Variants in NT5DC1 observed in about 807,000 individuals in gnomAD.
NT5DC1 encodes the protein 5'-nucleotidase domain-containing protein 1.
A neutral mutation model predicts 59.4 loss-of-function variants in NT5DC1; 42 were observed. The ratio of observed to expected loss-of-function variants is 0.71; its 90% CI spans 0.55 to 0.92. The LOEUF is 0.92. Ranked by LOEUF, NT5DC1 falls within the 40% of genes least tolerant of loss-of-function variation. NT5DC1 has a pLI of 0.00. For synonymous variants in NT5DC1, 172 were observed against 188.1 expected, an observed-to-expected ratio of 0.91 and a Z score of 0.70; for missense variants, 501 against 537.1, an observed-to-expected ratio of 0.93 and a Z score of 0.66.
At chr6:116,211,754 A>C (rs866491520) in intron 6 of NT5DC1, among the ~76,000 whole-genome samples, 2 of 152,072 alleles carry the variant, frequency 1.3e-5, no homozygotes, top group Non-Finnish European at 2.9e-5. Context: ...TTTCTCGACT[A>C]TAACAAAGGG....
chr6:116,120,779 C>T, intron 6 of NT5DC1: 1 of 1,613,272 alleles, frequency 6.2e-7, no homozygotes, highest in South Asian at 1.1e-5. Flanking sequence ...ACCTGGTATT[C>T]CAGGGGCACC....
intron 8 of NT5DC1, among the ~76,000 whole-genome samples, chr6:116,225,597 A>T (rs1179238816): frequency 1.3e-5 from 2 of 152,214 alleles, no homozygotes; most frequent in African/African-American, 4.8e-5. Context: ...GGTGGACAAG[A>T]TGGAGATCAC....
At chr6:116,178,054 T>TGA (rs1780774346) in intron 6 of NT5DC1, among the ~76,000 whole-genome samples, 1 of 59,490 alleles carries the variant, frequency 1.7e-5, no homozygotes, top group South Asian at 4.6e-4. Context: ...AAGAGGAAAG[T>TGA]GTGTGTGTGT....
chr6:116,120,434 G>C (rs201416912), intron 6 of NT5DC1: 2 of 1,614,266 alleles, frequency 1.2e-6, no homozygotes, highest in Non-Finnish European at 1.7e-6. Context: ...TGCTGGGTAA[G>C]CTTTGGAGAG....
chr6:116,114,924 A>T (rs1778937473), intron 4 of NT5DC1, among the ~76,000 whole-genome samples: 2 of 152,168 alleles, frequency 1.3e-5, no homozygotes, highest in Admixed American at 1.3e-4. Flanking sequence ...AAGAGAATCG[A>T]CACAGTTTTG....
intron 6 of NT5DC1, among the ~76,000 whole-genome samples, chr6:116,166,922 G>T (rs993135298): frequency 2.6e-5 from 4 of 152,122 alleles, no homozygotes; most frequent in Non-Finnish European, 2.9e-5. Flanking sequence ...AAAGAATTGA[G>T]CCAAGGAAGT....
chr6:116,128,558 T>C (rs1463668045), intron 6 of NT5DC1, among the ~76,000 whole-genome samples: 3 of 152,200 alleles, frequency 2.0e-5, no homozygotes, highest in Admixed American at 1.3e-4. Flanking sequence ...AGCTTGCCTA[T>C]TCATTTGTAC....
intron 6 of NT5DC1, among the ~76,000 whole-genome samples, chr6:116,202,293 A>G (rs902049807): frequency 1.3e-5 from 2 of 151,940 alleles, no homozygotes; most frequent in Non-Finnish European, 2.9e-5. Flanking sequence ...TATGCTTAGC[A>G]TGGTTGGAAT....
At chr6:116,237,112 A>G (rs371551245) in intron 9 of NT5DC1, 28 bp downstream of exon 9, 15 of 1,263,492 alleles carry the variant, frequency 1.2e-5, no homozygotes, top group Middle Eastern at 1.8e-4. Context: ...AGAAGTCCTC[A>G]GTGCCCACTT....
chr6:116,157,556 G>C (rs1780227169), intron 6 of NT5DC1, among the ~76,000 whole-genome samples: 1 of 152,086 alleles, frequency 6.6e-6, no homozygotes. Flanking sequence ...AGTCCAATGG[G>C]GGATCAAGTG....
At chr6:116,129,155 TA>T (rs889334473) in intron 6 of NT5DC1, among the ~76,000 whole-genome samples, 4 of 152,252 alleles carry the variant, frequency 2.6e-5, no homozygotes, top group African/African-American at 9.6e-5. Context: ...ATCATCGTAT[TA>T]AAAAATCAGC....
At chr6:116,118,071 T>C (rs911006869) in intron 6 of NT5DC1, 126 bp downstream of exon 6, 2 of 692,496 alleles carry the variant, frequency 2.9e-6, no homozygotes, top group Non-Finnish European at 5.3e-6. Flanking sequence ...TTAAATATTA[T>C]TATAAAGTTG....
chr6:116,137,159 G>T, intron 6 of NT5DC1: 1 of 195,620 alleles, frequency 5.1e-6, no homozygotes, highest in East Asian at 1.3e-4. Context: ...GCGTAGATGT[G>T]GCTGCCACCC....
At chr6:116,119,925 A>G in intron 6 of NT5DC1, 1 of 749,598 alleles carries the variant, frequency 1.3e-6, no homozygotes, top group East Asian at 2.5e-5. Flanking sequence ...TTTCAGGGGG[A>G]AGGTTTGTTG....
At chr6:116,155,100 T>C (rs547104745) in intron 6 of NT5DC1, among the ~76,000 whole-genome samples, 1 of 152,314 alleles carries the variant, frequency 6.6e-6, no homozygotes, top group East Asian at 1.9e-4. Flanking sequence ...TTGCGGTTTT[T>C]GCCATTACTT....
chr6:116,117,721 G>A (rs1285196391), intron 5 of NT5DC1, 140 bp from the exon 6 acceptor site: 3 of 589,766 alleles, frequency 5.1e-6, no homozygotes, highest in Admixed American at 3.2e-5. Context: ...CATCACTTTT[G>A]TACCATTATA....
At chr6:116,120,513 A>G in intron 6 of NT5DC1, 1 of 1,614,216 alleles carries the variant, frequency 6.2e-7, no homozygotes, top group Non-Finnish European at 8.5e-7. Flanking sequence ...GGGGTCCCAG[A>G]AAGACTGGGC....
chr6:116,199,733 A>G (rs931436891), intron 6 of NT5DC1, among the ~76,000 whole-genome samples: 2 of 152,068 alleles, frequency 1.3e-5, no homozygotes, highest in Admixed American at 1.3e-4. Context: ...AGAGCTCCCA[A>G]TGGCTAATGC....
At chr6:116,153,046 T>C (rs1168593126) in intron 6 of NT5DC1, among the ~76,000 whole-genome samples, 1 of 151,980 alleles carries the variant, frequency 6.6e-6, no homozygotes, top group Non-Finnish European at 1.5e-5. Flanking sequence ...AGAAGTAAAA[T>C]CTTAATCACT....
Sources: gnomAD v4.1 joint callset for allele counts (sites outside exome capture counted in the v4.1 genomes callset) on GRCh38, gnomAD v4.1.1 for gene constraint, MANE v1.5 for transcripts, NCBI Gene and HGNC (gene_info 2026-07-23, HGNC 2026-07-21) for gene names.